The following CFAP299 variants were observed in gnomAD, a reference collection of about 807,000 sequenced individuals.
The protein encoded by CFAP299 is cilia- and flagella-associated protein 299.
Under a neutral mutation model 27.0 loss-of-function variants are expected in CFAP299, and 21 were observed. That is an observed-to-expected ratio of 0.78 (90% CI 0.55 to 1.12). The LOEUF is 1.12. Ranked by LOEUF, CFAP299 falls within the 50% of genes most tolerant of loss-of-function variation. CFAP299 has a pLI of 0.00. For synonymous variants in CFAP299, 104 were observed against 98.1 expected, an observed-to-expected ratio of 1.06 and a Z score of -0.36; for missense variants, 310 against 276.6, an observed-to-expected ratio of 1.12 and a Z score of -0.86.
intron 3 of CFAP299, among the ~76,000 whole-genome samples, chr4:80,705,751 C>A (rs1448590451): frequency 6.6e-6 from 1 of 151,782 alleles, no homozygotes; most frequent in Non-Finnish European, 1.5e-5. Context: ...AGCAATTAAC[C>A]TAATTATCTA....
chr4:80,473,786 C>T (rs1025657853), intron 2 of CFAP299, among the ~76,000 whole-genome samples: 8 of 152,202 alleles, frequency 5.3e-5, no homozygotes, highest in South Asian at 4.2e-4. Flanking sequence ...GAGACAGGAT[C>T]TCACTGTGTT....
chr4:80,538,266 T>A (rs1733837218), intron 2 of CFAP299, among the ~76,000 whole-genome samples: 1 of 152,172 alleles, frequency 6.6e-6, no homozygotes, highest in Admixed American at 6.5e-5. Flanking sequence ...TTTTGTATTT[T>A]TGTACAATGT....
chr4:80,651,704 TTG>T (rs34460418), intron 3 of CFAP299, among the ~76,000 whole-genome samples: 13,404 of 139,492 alleles, frequency 0.096, 654 homozygotes, highest in African/African-American at 0.12. Context: ...AGGTATGCAC[TTG>T]TGTGTGTGTG....
chr4:80,415,067 TAA>T (rs1310328738), intron 2 of CFAP299, among the ~76,000 whole-genome samples: 1 of 152,184 alleles, frequency 6.6e-6, no homozygotes, highest in Non-Finnish European at 1.5e-5. Flanking sequence ...CTCATCCTTT[TAA>T]AAAGAGTCTC....
rs1726274680 is a variant in CFAP299 at position 80,403,682 on chromosome 4, A to G, written c.242+40798A>G. On this transcript the variant is annotated intron_variant, in intron 2 of 5. Transcript: ENST00000358105. ...CAGTCACATACTACAACATTGCTCTATTTTATTTTTCTCTGAGGTCTCATT... is the reference window on the plus strand; with the variant it reads ...CAGTCACATACTACAACATTGCTCTGTTTTATTTTTCTCTGAGGTCTCATT... Among the ~76,000 whole-genome samples the G allele has an allele frequency of 2.0e-5, 3 of 151,746 alleles. No individual in the cohort carries two copies. The South Asian group carries it at 6.3e-4, about 32-fold the overall frequency.
chr4:80,591,990 G>A (rs1309193826), intron 3 of CFAP299, among the ~76,000 whole-genome samples: 1 of 152,144 alleles, frequency 6.6e-6, no homozygotes, highest in African/African-American at 2.4e-5. Context: ...CAAAAACATT[G>A]GTAAACTGGA....
At position 80,767,468 on chromosome 4, in the gene CFAP299, G is replaced by A. The variant is rs187889970; in HGVS notation, c.334-102525G>A. 3.8e-3 allele frequency among the ~76,000 whole-genome samples: 584 copies of A among 152,188 alleles called. 1 individual carries two copies. The highest frequency in any genetic ancestry group is 0.013 in the African/African-American group (545 of 41,510). On this transcript the variant is annotated intron_variant, in intron 3 of 5. Transcript: ENST00000358105. Reference sequence around the variant, plus strand: ...ACTAAAAATACAAAAAATTAGCCAGGCGTGGTGGTGGACGCCTGTAGTCCC... The same window carrying A: ...ACTAAAAATACAAAAAATTAGCCAGACGTGGTGGTGGACGCCTGTAGTCCC...
intron 2 of CFAP299, among the ~76,000 whole-genome samples, chr4:80,566,650 G>A (rs1735303681): frequency 6.6e-6 from 1 of 152,118 alleles, no homozygotes; most frequent in African/African-American, 2.4e-5. Flanking sequence ...CAGATGGAGA[G>A]GGACCTGGAG....
chr4:80,764,408 G>A (rs563589931), intron 3 of CFAP299, among the ~76,000 whole-genome samples: 25 of 152,214 alleles, frequency 1.6e-4, no homozygotes, highest in Non-Finnish European at 3.4e-4. Flanking sequence ...ACCATCTCAC[G>A]CCAGTTAGAA....
At chr4:80,404,433 C>A (rs1266102184) in intron 2 of CFAP299, among the ~76,000 whole-genome samples, 1 of 152,158 alleles carries the variant, frequency 6.6e-6, no homozygotes, top group African/African-American at 2.4e-5. Context: ...GTTGTTCATA[C>A]AAGTCTTCAT....
chr4:80,672,946 A>AG (rs1419846391), intron 3 of CFAP299, among the ~76,000 whole-genome samples: 1 of 114,180 alleles, frequency 8.8e-6, no homozygotes, highest in African/African-American at 6.7e-5. Flanking sequence ...GATCTTTTCA[A>AG]AAAAAAAAAA....
At chr4:80,397,599 C>G (rs112282599) in intron 2 of CFAP299, among the ~76,000 whole-genome samples, 1 of 152,038 alleles carries the variant, frequency 6.6e-6, no homozygotes, top group African/African-American at 2.4e-5. Flanking sequence ...CTCATTATCT[C>G]AATAGATGCA....
chr4:80,394,321 A>G (rs1406369754), intron 2 of CFAP299, among the ~76,000 whole-genome samples: 1 of 150,814 alleles, frequency 6.6e-6, no homozygotes, highest in African/African-American at 2.4e-5. Context: ...AATTCCTTAT[A>G]CATTTTGAAT....
At chr4:80,615,253 T>C (rs907760490) in intron 3 of CFAP299, among the ~76,000 whole-genome samples, 122 of 152,238 alleles carry the variant, frequency 8.0e-4, no homozygotes, top group African/African-American at 2.8e-3. Context: ...ACAATCAGAG[T>C]GCAGAATTTA....
At chr4:80,416,681 A>G (rs1435033426) in intron 2 of CFAP299, among the ~76,000 whole-genome samples, 1 of 152,246 alleles carries the variant, frequency 6.6e-6, no homozygotes, top group South Asian at 2.1e-4. Context: ...TAATTTGTAC[A>G]TTGCATCATT....
At chr4:80,961,204 A>T (rs1738328108) in intron 5 of CFAP299, among the ~76,000 whole-genome samples, 1 of 151,772 alleles carries the variant, frequency 6.6e-6, no homozygotes. Context: ...GTGTAGGCAT[A>T]TTGTTAGTTA....
intron 2 of CFAP299, among the ~76,000 whole-genome samples, chr4:80,481,032 C>A (rs1730539355): frequency 6.6e-6 from 1 of 151,830 alleles, no homozygotes; most frequent in Non-Finnish European, 1.5e-5. Flanking sequence ...TCGCTGTAAG[C>A]CATTTAAGCA....
At chr4:80,880,629 G>C (rs1440205665) in intron 4 of CFAP299, among the ~76,000 whole-genome samples, 1 of 152,138 alleles carries the variant, frequency 6.6e-6, no homozygotes, top group African/African-American at 2.4e-5. Flanking sequence ...GGGAGGCTGA[G>C]GCAGGAGAAT....
chr4:80,755,493 A>G (rs1295030521), intron 3 of CFAP299, among the ~76,000 whole-genome samples: 1 of 152,114 alleles, frequency 6.6e-6, no homozygotes, highest in Non-Finnish European at 1.5e-5. Flanking sequence ...AAATGCATGG[A>G]AGACTTCTTA....
Sources: allele counts gnomAD v4.1 joint callset (sites outside exome capture counted in the v4.1 genomes callset), GRCh38; gene constraint gnomAD v4.1.1; transcripts MANE v1.5; gene names NCBI Gene and HGNC (gene_info 2026-07-23, HGNC 2026-07-21).